Variants in LRRFIP2 observed in about 807,000 individuals in gnomAD.
LRRFIP2 encodes leucine-rich repeat flightless-interacting protein 2.
A neutral mutation model predicts 125.9 loss-of-function variants in LRRFIP2; 109 were observed. The ratio of observed to expected loss-of-function variants is 0.87; its 90% CI spans 0.74 to 1.01. The LOEUF (loss-of-function observed/expected upper bound fraction) is 1.01, where lower values mean the gene tolerates loss of function less well. LRRFIP2 is among the 50% of genes least tolerant of loss of function. The pLI, the probability that LRRFIP2 is intolerant of heterozygous loss-of-function variation, is 0.00. For missense variants in LRRFIP2, 850 were observed against 862.3 expected (o/e 0.99, Z 0.18); for synonymous variants, 291 against 293.1 (o/e 0.99, Z 0.07).
chr3:37,174,840 A>G (rs1296336734), upstream of LRRFIP2: 2 of 152,204 alleles, frequency 1.3e-5, no homozygotes, highest in African/African-American at 4.8e-5. Context: ...CTCTATTTCA[A>G]TTTTCAGATT....
chr3:37,125,305 A>C (rs1166879259), intron 4 of LRRFIP2, among the ~76,000 whole-genome samples: 1 of 152,178 alleles, frequency 6.6e-6, no homozygotes, highest in East Asian at 1.9e-4. Flanking sequence ...CAAGACATGC[A>C]TTTACTCTTT....
At chr3:37,069,420 T>C (rs2090759488) in intron 21 of LRRFIP2, among the ~76,000 whole-genome samples, 1 of 152,226 alleles carries the variant, frequency 6.6e-6, no homozygotes. Flanking sequence ...TGACATATGC[T>C]GCAAAATGAA....
intron 18 of LRRFIP2, among the ~76,000 whole-genome samples, chr3:37,084,913 T>C (rs1272517414): frequency 6.6e-6 from 1 of 152,080 alleles, no homozygotes; most frequent in African/African-American, 2.4e-5. Flanking sequence ...ATTTAAAAAA[T>C]ACTAGCACAA....
intron 2 of LRRFIP2, among the ~76,000 whole-genome samples, chr3:37,142,690 G>A (rs1399254856): frequency 6.6e-6 from 1 of 152,114 alleles, no homozygotes; most frequent in African/African-American, 2.4e-5. Flanking sequence ...TTTGTAGCAG[G>A]TTTCTTATTC....
At chr3:37,138,296 C>T (rs951236662) in intron 2 of LRRFIP2, among the ~76,000 whole-genome samples, 1 of 152,200 alleles carries the variant, frequency 6.6e-6, no homozygotes, top group African/African-American at 2.4e-5. Context: ...CTCATGGTGG[C>T]ATTCCAAATC....
At position 37,054,560 on chromosome 3, in the gene LRRFIP2, T is replaced by C. The variant is rs755744410; in HGVS notation, c.1951-45A>G. On this transcript the variant is annotated intron_variant, in intron 26 of 27. Transcript: ENST00000336686. ...GGCCTCTAGTACTGGGCACTAGAAG[T>C]CACCACTTTTTGGTAGCCAGGATGG... The C allele has an allele frequency of 3.8e-6, 5 of 1,299,168 alleles. No homozygotes were observed. In the East Asian group the frequency reaches 7.0e-5, roughly 18 times the overall value. The allele number at this position is 1,299,168 out of a possible 1,614,324, so 80.5% of individuals were successfully genotyped here.
At chr3:37,099,040 A>G (rs1190555455) in intron 15 of LRRFIP2, among the ~76,000 whole-genome samples, 1 of 152,210 alleles carries the variant, frequency 6.6e-6, no homozygotes, top group East Asian at 1.9e-4. Context: ...GAACTAATCC[A>G]TCACAATGTT....
Position 37,121,680 on chromosome 3 carries a change from T to C in LRRFIP2, c.240A>G (p.Glu80=). Residue 80 remains glutamate, a synonymous_variant, in exon 5 of 28, where the codon GAA becomes GAG. Coordinates refer to ENST00000336686, the MANE Select transcript of LRRFIP2 (RefSeq NM_006309.4). ...GQIQKWLEDS[E]RARYSHRSSH... is the part of the protein sequence containing the mutation. ...TGGACCGGTGGGAATACCTGGCCCT[T>C]TCCGAATCTTCCTGGGAAAGGAGAA... is the stretch of plus-strand genomic sequence containing the variant. The C allele has an allele frequency of 6.2e-7, 1 of 1,614,114 alleles. No homozygotes were observed. The highest frequency in any genetic ancestry group is 8.5e-7 in the Non-Finnish European group (1 of 1,179,980).
rs763147410 is a variant in LRRFIP2 at position 37,091,537 on chromosome 3, T to G, written c.1037A>C (p.Asp346Ala). ...DPDTSLSELR[D>A]IYDLKDQIQD... is the part of the protein sequence containing the mutation. ...TATCTGGTCCTTAAGGTCATAGATA[T>G]CCTGCAGGACATAGGAATGAACCAT... The change falls in exon 18 of 28, where the codon GAT becomes GCT. Residue 346 changes from aspartate to alanine, a missense_variant and splice_region_variant. Physicochemically the swap from Asp to Ala is moderately radical, Grantham distance 126. Transcript: ENST00000336686. 1.6e-5 allele frequency: 26 copies of G among 1,606,312 alleles called. No individual in the cohort carries two copies. Among genetic ancestry groups the G allele is most frequent in the Non-Finnish European group, 2.1e-5 (25 of 1,175,742 alleles).
intron 1 of LRRFIP2, among the ~76,000 whole-genome samples, chr3:37,167,879 G>A (rs2096531414): frequency 1.3e-5 from 2 of 152,102 alleles, no homozygotes; most frequent in African/African-American, 4.8e-5. Context: ...AGAGACTGAG[G>A]TGGGAAGGAA....
Position 37,053,727 on chromosome 3 carries a change from C to T in LRRFIP2, c.*124G>A. On this transcript the variant is annotated 3_prime_UTR_variant, in exon 28 of 28. Coordinates refer to ENST00000336686, the MANE Select transcript of LRRFIP2 (RefSeq NM_006309.4). ...TCATTCTGTCATAAATTATAAAATA[C>T]AAAGGTGGCTGTTTTAATGACAAAA... The T allele has an allele frequency of 4.7e-6, 3 of 639,844 alleles. No individual in the cohort carries two copies. Among genetic ancestry groups the T allele is most frequent in the South Asian group, 1.9e-5 (1 of 52,844 alleles). 39.6% of individuals were successfully genotyped at this position (639,844 alleles called of 1,614,324 possible).
intron 9 of LRRFIP2, among the ~76,000 whole-genome samples, chr3:37,110,730 T>C (rs1478830641): frequency 6.6e-6 from 1 of 152,168 alleles, no homozygotes; most frequent in East Asian, 1.9e-4. Context: ...ATGTTCACTG[T>C]ATTATTCCTT....
chr3:37,114,672 C>T (rs542011866), intron 7 of LRRFIP2, among the ~76,000 whole-genome samples: 41 of 152,038 alleles, frequency 2.7e-4, no homozygotes, highest in Middle Eastern at 3.4e-3. Flanking sequence ...ATAGTACTCG[C>T]TACTCAGAAG....
At chr3:37,108,716 T>C (rs1022402932) in intron 11 of LRRFIP2, 32 bp from the exon 12 acceptor site, 1 of 1,568,728 alleles carries the variant, frequency 6.4e-7, no homozygotes. Context: ...ACTTAGCTAT[T>C]TAGCTTCAAG....
At chr3:37,054,629 C>A (rs776005795) in intron 26 of LRRFIP2, 114 bp from the exon 27 acceptor site, 2 of 698,034 alleles carry the variant, frequency 2.9e-6, no homozygotes, top group Non-Finnish European at 2.5e-6. Context: ...ACTAACAAGT[C>A]CCCTAAGGGT....
At chr3:37,160,131 C>T (rs577105436) in intron 1 of LRRFIP2, among the ~76,000 whole-genome samples, 1 of 150,900 alleles carries the variant, frequency 6.6e-6, no homozygotes, top group African/African-American at 2.4e-5. Flanking sequence ...ACCAGAAGTT[C>T]TAGAAGACAA....
intron 1 of LRRFIP2, among the ~76,000 whole-genome samples, chr3:37,163,906 T>C (rs2068681108): frequency 1.3e-5 from 2 of 152,214 alleles, no homozygotes; most frequent in African/African-American, 4.8e-5. Flanking sequence ...AAATGTAACA[T>C]GTAATTTCTT....
chr3:37,071,083 T>C (rs1229866079), intron 21 of LRRFIP2, among the ~76,000 whole-genome samples: 2 of 152,252 alleles, frequency 1.3e-5, no homozygotes, highest in Admixed American at 6.5e-5. Flanking sequence ...TTTAAAATCA[T>C]AGTTTCAAAA....
intron 2 of LRRFIP2, among the ~76,000 whole-genome samples, chr3:37,138,816 T>A (rs766277278): frequency 1.3e-5 from 2 of 152,222 alleles, no homozygotes; most frequent in African/African-American, 2.4e-5. Flanking sequence ...ATACCACAGA[T>A]CTTAGCAACC....
Sources: allele counts gnomAD v4.1 joint callset (sites outside exome capture counted in the v4.1 genomes callset), GRCh38; gene constraint gnomAD v4.1.1; transcripts MANE v1.5; gene names NCBI Gene and HGNC (gene_info 2026-07-23, HGNC 2026-07-21).